Variants in ANO2 observed in about 807,000 individuals in gnomAD.
ANO2 encodes the protein anoctamin-2.
ANO2 carries 101 observed loss-of-function variants against 124.2 expected under a neutral mutation model. The observed-to-expected ratio is 0.81, with a 90% CI of 0.69 to 0.96. The LOEUF (loss-of-function observed/expected upper bound fraction) is 0.96. Among genes scored for constraint, ANO2 ranks in the 40% least tolerant of loss-of-function variants. The pLI is 0.00. For missense variants in ANO2, 1,293 were observed against 1,274.5 expected (o/e 1.01, Z -0.22); for synonymous variants, 486 against 482.5 (o/e 1.01, Z -0.09).
intron 3 of ANO2, among the ~76,000 whole-genome samples, chr12:5,885,102 T>C (rs559455981): frequency 2.0e-4 from 30 of 152,290 alleles, no homozygotes; most frequent in African/African-American, 6.7e-4. Context: ...TTTGGTGGAG[T>C]TGACCTCTCC....
chr12:5,786,137 CTT>C (rs1389829306), intron 10 of ANO2, among the ~76,000 whole-genome samples: 1 of 152,182 alleles, frequency 6.6e-6, no homozygotes, highest in Non-Finnish European at 1.5e-5. Context: ...GGTCCAGACT[CTT>C]TGATTCCAAT....
At chr12:5,932,637 G>A (rs1942460293) in intron 1 of ANO2, among the ~76,000 whole-genome samples, 1 of 152,112 alleles carries the variant, frequency 6.6e-6, no homozygotes, top group African/African-American at 2.4e-5. Context: ...AGTAAGGAAG[G>A]AAGACTGGTA....
rs538413393 is a variant in ANO2, at chr12:5,913,175, T to A, written c.534+7865A>T. Among the ~76,000 whole-genome samples the A allele has an allele frequency of 7.9e-5, 12 of 152,116 alleles. No individual in the cohort carries two copies. In the South Asian group the frequency reaches 2.5e-3, roughly 32 times the overall value. The stretch of plus-strand genomic sequence containing the variant: ...CACCCTAGAAAACCAAACAGCAAGG[T>A]TTTCCTAAGGATTCTAAGCCCTAGT... On this transcript the variant is annotated intron_variant, in intron 3 of 24. Coordinates refer to ENST00000682330, the MANE Select transcript of ANO2 (RefSeq NM_001364791.2).
intron 19 of ANO2, among the ~76,000 whole-genome samples, chr12:5,609,696 CGATA>C (rs1391206202): frequency 6.6e-6 from 1 of 151,102 alleles, no homozygotes; most frequent in African/African-American, 2.4e-5. Flanking sequence ...CACAATCTTT[CGATA>C]GATTTAGAGA....
chr12:5,928,736 C>T (rs1285449205), intron 1 of ANO2, among the ~76,000 whole-genome samples: 1 of 80,862 alleles, frequency 1.2e-5, no homozygotes, highest in Admixed American at 1.5e-4. Context: ...TCCTTCCTTA[C>T]TAGTCTGTCT....
chr12:5,874,632 G>A (rs1189716211), intron 3 of ANO2, among the ~76,000 whole-genome samples: 4 of 152,164 alleles, frequency 2.6e-5, no homozygotes, highest in Non-Finnish European at 5.9e-5. Flanking sequence ...TGCCTCATGC[G>A]ACTTGCTGTG....
chr12:5,806,627 A>C (rs1953203311), intron 8 of ANO2, among the ~76,000 whole-genome samples: 1 of 152,264 alleles, frequency 6.6e-6, no homozygotes, highest in Admixed American at 6.5e-5. Flanking sequence ...ATTTAGCTCA[A>C]GGACCAGTTA....
At chr12:5,737,620 C>T (rs1357690608) in intron 13 of ANO2, among the ~76,000 whole-genome samples, 2 of 152,108 alleles carry the variant, frequency 1.3e-5, no homozygotes, top group Non-Finnish European at 2.9e-5. Context: ...TTTTTGGAAA[C>T]ATTCTACGGC....
At chr12:5,854,280 G>A (rs1369844431) in intron 3 of ANO2, 139 bp from the exon 4 acceptor site, 2 of 698,432 alleles carry the variant, frequency 2.9e-6, no homozygotes, top group Non-Finnish European at 4.8e-6. Flanking sequence ...AAATTCACCA[G>A]GGACCAGTCC....
chr12:5,730,209 T>C (rs1367732496), intron 14 of ANO2, among the ~76,000 whole-genome samples: 1 of 152,148 alleles, frequency 6.6e-6, no homozygotes, highest in Non-Finnish European at 1.5e-5. Flanking sequence ...TATTGAATTG[T>C]GCACTTTAAA....
chr12:5,869,481 T>C lies in ANO2; in HGVS notation c.535-15340A>G, dbSNP rs552000682. Among the ~76,000 whole-genome samples, 241 of 152,218 alleles carry C rather than the reference T, an allele frequency of 1.6e-3. 4 individuals carry two copies. The highest frequency in any genetic ancestry group is 5.5e-3 in the African/African-American group (229 of 41,526). On this transcript the variant is annotated intron_variant, in intron 3 of 24. Transcript: ENST00000682330. The stretch of plus-strand genomic sequence containing the variant: ...TCAATAAAAATGAGGGTGGGCATCA[T>C]CTCCAATAACATGACAAAGAGAAGA...
rs1040388948 is a variant in ANO2, at chr12:5,658,822, A to G, written c.1546-11021T>C. Among the ~76,000 whole-genome samples the G allele has an allele frequency of 6.6e-6, 1 of 152,130 alleles. No homozygotes were observed. Among genetic ancestry groups the G allele is most frequent in the Non-Finnish European group, 1.5e-5 (1 of 68,034 alleles). On this transcript the variant is annotated intron_variant, in intron 14 of 24. Coordinates refer to ENST00000682330, the MANE Select transcript of ANO2 (RefSeq NM_001364791.2). The surrounding 1 kb of genome is among the most constrained non-coding windows in gnomAD (Gnocchi z 4.3). ...TATCATCATCATCAACATCATCATT[A>G]AATCATCAGCAGCATCAATATTATC...
intron 17 of ANO2, 70 bp from the exon 18 acceptor site, chr12:5,613,028 C>G: frequency 1.4e-6 from 2 of 1,465,740 alleles, no homozygotes; most frequent in Admixed American, 3.3e-5. Flanking sequence ...GACATGTCTT[C>G]TGAGGGGAAT....
At position 5,711,141 on chromosome 12, in the gene ANO2, G is replaced by C. The variant is rs1949801167; in HGVS notation, c.1545+21379C>G. On this transcript the variant is annotated intron_variant, in intron 14 of 24. Transcript: ENST00000682330. ...CCACTGTACTCCAGCCTGGGCGACAGAGCGAGACTCTGTCTCAAAAAAAAA... is the reference window on the plus strand; with the variant it reads ...CCACTGTACTCCAGCCTGGGCGACACAGCGAGACTCTGTCTCAAAAAAAAA... Among the ~76,000 whole-genome samples, 4 of 149,256 alleles carry C rather than the reference G, an allele frequency of 2.7e-5. No individual in the cohort carries two copies. The Admixed American group carries it at 2.7e-4, about 10-fold the overall frequency.
chr12:5,589,118 T>A (rs551336281), intron 20 of ANO2, among the ~76,000 whole-genome samples: 2 of 152,224 alleles, frequency 1.3e-5, no homozygotes, highest in Non-Finnish European at 2.9e-5. Flanking sequence ...TAGTTATCCA[T>A]GGAGACGGCA....
At chr12:5,909,405 G>A (rs1940903104) in intron 3 of ANO2, among the ~76,000 whole-genome samples, 1 of 151,996 alleles carries the variant, frequency 6.6e-6, no homozygotes, top group Non-Finnish European at 1.5e-5. Context: ...TTTTATTTTG[G>A]TATAGACTAC....
intron 20 of ANO2, among the ~76,000 whole-genome samples, chr12:5,585,925 A>T (rs1344965004): frequency 6.6e-6 from 1 of 152,232 alleles, no homozygotes; most frequent in African/African-American, 2.4e-5. Flanking sequence ...AAACGGAAAT[A>T]AGGAGCACAG....
intron 10 of ANO2, among the ~76,000 whole-genome samples, chr12:5,765,788 T>C (rs1264395390): frequency 6.6e-6 from 1 of 152,182 alleles, no homozygotes; most frequent in Non-Finnish European, 1.5e-5. Context: ...GGCCACATAA[T>C]GGGAACAGAT....
intron 14 of ANO2, among the ~76,000 whole-genome samples, chr12:5,723,287 G>A (rs577510353): frequency 1.0e-3 from 155 of 152,346 alleles, no homozygotes; most frequent in African/African-American, 3.3e-3. Flanking sequence ...CCCTTTGGTG[G>A]TTTGGAGCTG....
Sources: allele counts gnomAD v4.1 joint callset (sites outside exome capture counted in the v4.1 genomes callset), GRCh38; gene constraint gnomAD v4.1.1; non-coding constraint Gnocchi (gnomAD v3.1); transcripts MANE v1.5; gene names NCBI Gene and HGNC (gene_info 2026-07-23, HGNC 2026-07-21).